DCLRE1A: variants seen among roughly 807,000 people sequenced by gnomAD.
DCLRE1A encodes DNA cross-link repair 1A protein.
In DCLRE1A, 64 loss-of-function variants were observed where a neutral mutation model predicts 91.9. The observed-to-expected ratio is 0.70, with a 90% CI of 0.57 to 0.86. DCLRE1A has a LOEUF of 0.86. Ranked by LOEUF, DCLRE1A falls within the 40% of genes least tolerant of loss-of-function variation. DCLRE1A has a pLI of 0.00. For missense variants in DCLRE1A, 1,145 were observed against 1,213.3 expected (o/e 0.94, Z 0.84); for synonymous variants, 416 against 431.1 (o/e 0.96, Z 0.43).
chr10:113,849,236 A>G lies in DCLRE1A; in HGVS notation c.1869T>C (p.Ser623=). ...GTGACCTCTCACTAGAAAGTTCCAC[A>G]GAAAGCTGACTCTCATGTAAAGTAC... ...DASTLHESQL[S]VELSSERSQR... is the part of the protein sequence containing the mutation. The change falls in exon 2 of 9, where the codon TCT becomes TCC. Residue 623 remains serine (S), a synonymous_variant. Transcript: ENST00000361384. 1 of 1,614,162 alleles carries G rather than the reference A, an allele frequency of 6.2e-7. No homozygotes were observed. The highest frequency in any genetic ancestry group is 8.5e-7 in the Non-Finnish European group (1 of 1,180,020).
At position 113,849,041 on chromosome 10, in the gene DCLRE1A, T is replaced by C; in HGVS notation, c.2064A>G (p.Pro688=). ...TTGATCCTCCTACATTAGATGACTC[T>C]GGGATTTTCTTGTTGCCCCTTTGCA... ...GGLQRGNKKI[P]ESSNVGGSRK... is the part of the protein sequence containing the mutation. The change falls in exon 2 of 9, where the codon CCA becomes CCG. Residue 688 remains proline (P), a synonymous_variant. Transcript: ENST00000361384. 1 of 1,614,214 alleles carries C rather than the reference T, an allele frequency of 6.2e-7. No homozygotes were observed. The highest frequency in any genetic ancestry group is 1.3e-5 in the African/African-American group (1 of 75,062).
chr10:113,852,921 T>C lies in DCLRE1A; in HGVS notation c.262A>G (p.Ile88Val). The change falls in exon 1 of 9, where the codon ATT (isoleucine) becomes GTT (valine). Residue 88 changes from isoleucine (I) to valine (V), a missense_variant. By Grantham distance (29) the Ile-to-Val change is conservative. Transcript: ENST00000361384. ...SSQNSSCGDG[I>V]QQTQDKETTP... ...GTTTCCTTGTCTTGGGTCTGCTGAATACCATCTCCACAACTTGAATTCTGA... is the reference window on the plus strand; with the variant it reads ...GTTTCCTTGTCTTGGGTCTGCTGAACACCATCTCCACAACTTGAATTCTGA... The C allele has an allele frequency of 6.2e-7, 1 of 1,614,168 alleles. No homozygotes were observed. Among genetic ancestry groups the C allele is most frequent in the East Asian group, 2.2e-5 (1 of 44,882 alleles).
intron 7 of DCLRE1A, among the ~76,000 whole-genome samples, chr10:113,838,515 A>C (rs529430540): frequency 6.6e-6 from 1 of 152,366 alleles, no homozygotes; most frequent in African/African-American, 2.4e-5. Flanking sequence ...ATACTATCAT[A>C]TAAGCCAAAT....
intron 8 of DCLRE1A, 86 bp from the exon 9 acceptor site, chr10:113,835,398 A>C: frequency 7.3e-7 from 1 of 1,370,696 alleles, no homozygotes; most frequent in Non-Finnish European, 9.7e-7. Flanking sequence ...AATAAAACAA[A>C]AGAGAAAAGC....
Position 113,849,036 on chromosome 10 carries a change from G to A in DCLRE1A, c.2069C>T (p.Ser690Leu). The part of the protein sequence containing the change: ...LQRGNKKIPE[S>L]SNVGGSRKKT... ...TTTTCTTGATCCTCCTACATTAGAT[G>A]ACTCTGGGATTTTCTTGTTGCCCCT... is the stretch of plus-strand genomic sequence containing the variant. The change falls in exon 2 of 9, where the codon TCA (serine) becomes TTA (leucine). Residue 690 changes from serine (S) to leucine (L), a missense_variant. Ser to Leu is a moderately radical substitution (Grantham distance 145, BLOSUM62 -2). Transcript: ENST00000361384. 1 of 1,614,058 alleles carries A rather than the reference G, an allele frequency of 6.2e-7. No homozygotes were observed. The highest frequency in any genetic ancestry group is 8.5e-7 in the Non-Finnish European group (1 of 1,180,000).
chr10:113,850,365 T>C lies in DCLRE1A; in HGVS notation c.740A>G (p.Lys247Arg), dbSNP rs1238165252. 1 of 1,614,108 alleles carries C rather than the reference T, an allele frequency of 6.2e-7. No homozygotes were observed. The highest frequency in any genetic ancestry group is 1.3e-5 in the African/African-American group (1 of 74,932). Residue 247 changes from lysine to arginine, a missense_variant, in exon 2 of 9, where the codon AAG becomes AGG. Coordinates refer to ENST00000361384, the MANE Select transcript of DCLRE1A (RefSeq NM_014881.5). ...GGATGTTTGGATATGAGTAGAAATC[T>C]TTTCACTGGCTTCAGTCAGAGACGG... Reference protein sequence around the residue: ...KSPSLTEASEKISTHIQTSQQ... With the variant: ...KSPSLTEASERISTHIQTSQQ...
rs143776343 is a variant in DCLRE1A, at chr10:113,839,460, T to A, written c.2820+1946A>T. 9.9e-5 allele frequency among the ~76,000 whole-genome samples: 15 copies of A among 152,222 alleles called. 1 individual carries two copies. In the East Asian group the frequency reaches 2.9e-3, roughly 29 times the overall value. On this transcript the variant is annotated intron_variant, in intron 7 of 8. Coordinates refer to ENST00000361384, the MANE Select transcript of DCLRE1A (RefSeq NM_014881.5). ...TTTAACGTTGTGAATGTATCATCTA[T>A]TCAAAAACATTTTAAATACATATTT...
At chr10:113,838,110 T>G (rs914650584) in intron 7 of DCLRE1A, among the ~76,000 whole-genome samples, 5 of 152,138 alleles carry the variant, frequency 3.3e-5, no homozygotes, top group Admixed American at 6.5e-5. Flanking sequence ...ACAACCATAT[T>G]TCTTACCAAT....
Position 113,849,672 on chromosome 10 carries a change from G to A in DCLRE1A, c.1433C>T (p.Ser478Phe), listed in dbSNP as rs1465156841. 9 of 1,614,008 alleles carry A rather than the reference G, an allele frequency of 5.6e-6. No individual in the cohort carries two copies. Among genetic ancestry groups the A allele is most frequent in the Non-Finnish European group, 7.6e-6 (9 of 1,180,002 alleles). The change falls in exon 2 of 9, where the codon TCT becomes TTT. Residue 478 changes from serine (S) to phenylalanine (F), a missense_variant. Ser to Phe is a radical substitution (Grantham distance 155). Coordinates refer to ENST00000361384, the MANE Select transcript of DCLRE1A (RefSeq NM_014881.5). ...AATTGTATTTTGGGTTGGTTGGGAA[G>A]AAAGATACCCTTCTACCTGACTTTC... ...PFESQVEGYL[S>F]SQPTQNTIRK...
In DCLRE1A at chr10:113,844,161, C is replaced by G; in HGVS notation, c.2462G>C (p.Ser821Thr). Reference sequence around the variant, plus strand: ...GTCCGCAAGAAGAGAACGTTCCATGCTGGGATCTGCTCTGAAGTCTCCCGT... The same window carrying G: ...GTCCGCAAGAAGAGAACGTTCCATGGTGGGATCTGCTCTGAAGTCTCCCGT... The part of the protein sequence containing the change: ...LHTGDFRADP[S>T]MERSLLADQK... Residue 821 changes from serine (S) to threonine (T), a missense_variant, in exon 5 of 9, where the codon AGC becomes ACC. Transcript: ENST00000361384. 2 of 1,614,184 alleles carry G rather than the reference C, an allele frequency of 1.2e-6. No homozygotes were observed. Among genetic ancestry groups the G allele is most frequent in the East Asian group, 2.2e-5 (1 of 44,872 alleles).
intron 4 of DCLRE1A, among the ~76,000 whole-genome samples, chr10:113,845,207 T>C (rs893157578): frequency 6.6e-6 from 1 of 151,922 alleles, no homozygotes; most frequent in Non-Finnish European, 1.5e-5. Flanking sequence ...GAGGGAAAAA[T>C]GGAGGCCATT....
chr10:113,844,578 A>G (rs994272390), intron 4 of DCLRE1A, among the ~76,000 whole-genome samples: 1 of 152,210 alleles, frequency 6.6e-6, no homozygotes, highest in African/African-American at 2.4e-5. Flanking sequence ...ACATTGAACT[A>G]TGTGATACTA....
Position 113,852,852 on chromosome 10 carries a change from A to T in DCLRE1A, c.331T>A (p.Ser111Thr). The T allele has an allele frequency of 3.1e-6, 5 of 1,614,048 alleles. No homozygotes were observed. The highest frequency in any genetic ancestry group is 4.2e-6 in the Non-Finnish European group (5 of 1,180,002). ...TCATAAACTGGACGTATCTTTGGGG[A>T]CACGTGTTGGCTTTTTTGAGTTCTA... ...LCRTQKSQHVSPKIRPVYDGY... is the reference protein window; with the variant it reads ...LCRTQKSQHVTPKIRPVYDGY... Residue 111 changes from serine to threonine, a missense_variant, in exon 1 of 9, where the codon TCC becomes ACC. Physicochemically the swap from Ser to Thr is moderately conservative, Grantham distance 58. Transcript: ENST00000361384.
At chr10:113,839,159 A>G (rs1279330847) in intron 7 of DCLRE1A, among the ~76,000 whole-genome samples, 3 of 151,888 alleles carry the variant, frequency 2.0e-5, no homozygotes, top group Non-Finnish European at 4.4e-5. Flanking sequence ...CCCCATCTCT[A>G]CTAAAAATAG....
Position 113,835,260 on chromosome 10 carries a change from C to T in DCLRE1A, c.3015G>A (p.Gln1005=). The T allele has an allele frequency of 1.9e-6, 3 of 1,613,918 alleles. No individual in the cohort carries two copies. Among genetic ancestry groups the T allele is most frequent in the Non-Finnish European group, 2.5e-6 (3 of 1,179,946 alleles). Reference sequence around the variant, plus strand: ...GTATGATTTTCTGGGGCTTCAGCCACTGGACAAAGCGCTTCATTTCTAGGT... The same window carrying T: ...GTATGATTTTCTGGGGCTTCAGCCATTGGACAAAGCGCTTCATTTCTAGGT... ...SSYLEMKRFV[Q]WLKPQKIIPT... is the part of the protein sequence containing the mutation. Residue 1005 remains glutamine, a synonymous_variant, in exon 9 of 9, where the codon CAG becomes CAA. Coordinates refer to ENST00000361384, the MANE Select transcript of DCLRE1A (RefSeq NM_014881.5).
intron 4 of DCLRE1A, 78 bp downstream of exon 4, chr10:113,845,607 A>T (rs1845523911): frequency 1.8e-6 from 2 of 1,085,172 alleles, no homozygotes; most frequent in African/African-American, 3.2e-5. Flanking sequence ...TTATAATGAA[A>T]AAAGTTATTA....
intron 8 of DCLRE1A, among the ~76,000 whole-genome samples, chr10:113,836,765 T>C (rs1216493263): frequency 6.6e-6 from 1 of 152,252 alleles, no homozygotes; most frequent in Non-Finnish European, 1.5e-5. Context: ...CATTGTCATC[T>C]ATACTTCCAG....
intron 7 of DCLRE1A, among the ~76,000 whole-genome samples, chr10:113,840,036 G>A (rs17228821): frequency 1.1e-4 from 16 of 152,274 alleles, no homozygotes; most frequent in Admixed American, 1.0e-3. Flanking sequence ...GCTCACACCT[G>A]TAATATCAGC....
At chr10:113,847,040 C>A (rs557753428) in intron 3 of DCLRE1A, among the ~76,000 whole-genome samples, 162 bp downstream of exon 3, 34 of 152,260 alleles carry the variant, frequency 2.2e-4, no homozygotes, top group Admixed American at 9.8e-4. Context: ...TGAAACTTGA[C>A]ATCAACTCGT....
Sources: allele counts gnomAD v4.1 joint callset (sites outside exome capture counted in the v4.1 genomes callset), GRCh38; gene constraint gnomAD v4.1.1; transcripts MANE v1.5; gene names NCBI Gene and HGNC (gene_info 2026-07-23, HGNC 2026-07-21).